The following MAST2 variants were observed in gnomAD, a reference collection of about 807,000 sequenced individuals.
MAST2 encodes microtubule associated serine/threonine kinase 2.
A neutral mutation model predicts 147.4 loss-of-function variants in MAST2; 70 were observed. That is an observed-to-expected ratio of 0.47 (90% CI 0.39 to 0.58). The LOEUF is 0.58. Ranked by LOEUF, MAST2 falls within the 20% of genes least tolerant of loss-of-function variation. The pLI is 0.00. For synonymous variants in MAST2, 869 were observed against 896.8 expected (o/e 0.97, Z 0.55); for missense variants, 2,080 against 2,302.3 (o/e 0.90, Z 1.98).
chr1:45,893,023 T>C (rs1054595200), intron 4 of MAST2, among the ~76,000 whole-genome samples: 1 of 152,216 alleles, frequency 6.6e-6, no homozygotes, highest in Non-Finnish European at 1.5e-5. Context: ...AAGAATATAC[T>C]AAGGACATCA....
intron 5 of MAST2, among the ~76,000 whole-genome samples, chr1:45,964,722 G>T (rs928176068): frequency 2.0e-5 from 3 of 152,060 alleles, no homozygotes; most frequent in African/African-American, 7.2e-5. Flanking sequence ...ATCTCCTTCA[G>T]TTCTGCTCTG....
chr1:45,954,441 A>G (rs1398863747), intron 4 of MAST2, among the ~76,000 whole-genome samples: 1 of 152,208 alleles, frequency 6.6e-6, no homozygotes, highest in Non-Finnish European at 1.5e-5. Context: ...ATGGCGAGGT[A>G]TGTAAGAAAT....
At chr1:45,950,327 T>TGTAAGCAAGCCAA (rs1379790675) in intron 4 of MAST2, among the ~76,000 whole-genome samples, 1 of 152,100 alleles carries the variant, frequency 6.6e-6, no homozygotes, top group Non-Finnish European at 1.5e-5. Context: ...TCTTGGCTTG[T>TGTAAGCAAGCCAA]TTAGTGTAAG....
intron 7 of MAST2, among the ~76,000 whole-genome samples, chr1:46,006,013 C>A (rs542943016): frequency 6.6e-6 from 1 of 152,322 alleles, no homozygotes; most frequent in African/African-American, 2.4e-5. Flanking sequence ...CAACTCCCTG[C>A]ACAACCCTTG....
In MAST2 at chr1:46,031,365, G is replaced by A. The variant is rs1199771015; in HGVS notation, c.2993-26G>A. On this transcript the variant is annotated intron_variant, in intron 23 of 28. Transcript: ENST00000361297. The surrounding 1 kb of genome is among the most constrained non-coding windows in gnomAD (Gnocchi z 4.1). ...GCAGGGAGGCTCAGCGGCATCGCGG[G>A]TCTCACTGCTTACTTGGGCCTACAG... 2 of 1,595,738 alleles carry A rather than the reference G, an allele frequency of 1.3e-6. No homozygotes were observed. The highest frequency in any genetic ancestry group is 1.7e-6 in the Non-Finnish European group (2 of 1,167,814).
intron 4 of MAST2, among the ~76,000 whole-genome samples, chr1:45,914,841 A>G (rs1652221584): frequency 6.6e-6 from 1 of 152,268 alleles, no homozygotes; most frequent in African/African-American, 2.4e-5. Flanking sequence ...AACAGACTTC[A>G]TCAACTAATG....
chr1:46,008,376 G>A lies in MAST2; in HGVS notation c.978+5G>A, dbSNP rs1645574212. ...TACAAAGAAAGATTCCCAAAGGTAA[G>A]GATCCATTTAAAAGGAGAGTGGCAA... On this transcript the variant is annotated splice_donor_5th_base_variant and intron_variant, in intron 9 of 28. Coordinates refer to ENST00000361297, the MANE Select transcript of MAST2 (RefSeq NM_015112.3). The A allele has an allele frequency of 6.2e-7, 1 of 1,607,136 alleles. No individual in the cohort carries two copies. Among genetic ancestry groups the A allele is most frequent in the Non-Finnish European group, 8.5e-7 (1 of 1,173,814 alleles).
At chr1:45,976,732 G>T (rs1432413562) in intron 5 of MAST2, among the ~76,000 whole-genome samples, 1 of 152,222 alleles carries the variant, frequency 6.6e-6, no homozygotes, top group African/African-American at 2.4e-5. Context: ...CCATTATCAA[G>T]ATGTTAGGGG....
intron 5 of MAST2, among the ~76,000 whole-genome samples, chr1:45,987,777 A>ATATTTTTTTTTTTTTTTTTTTTTTTG (rs1644695534): frequency 4.6e-5 from 1 of 21,778 alleles, no homozygotes; most frequent in Non-Finnish European, 7.5e-5. Flanking sequence ...TTTTTTTTTG[A>ATATTTTTTTTTTTTTTTTTTTTTTTG]TTTTTTTTTT....
At chr1:45,836,193 C>T (rs999519553) in intron 3 of MAST2, among the ~76,000 whole-genome samples, 9 of 152,212 alleles carry the variant, frequency 5.9e-5, no homozygotes, top group African/African-American at 2.2e-4. Flanking sequence ...TGGTTTGCTA[C>T]ACCATTTTAT....
At position 46,004,444 on chromosome 1, in the gene MAST2, A is replaced by G. The variant is rs560036014; in HGVS notation, c.747+1561A>G. On this transcript the variant is annotated intron_variant, in intron 7 of 28. Coordinates refer to ENST00000361297, the MANE Select transcript of MAST2 (RefSeq NM_015112.3). ...TTTTTTTAGAACCAAGGTAAGTCTC[A>G]TCTGCAAATTTTAAGACTTAACTCA... 1.4e-3 allele frequency among the ~76,000 whole-genome samples: 219 copies of G among 151,802 alleles called. 4 individuals are homozygous for G. In the South Asian group the frequency reaches 0.043, roughly 30 times the overall value.
chr1:45,820,893 CTTTTTTTTTTTTT>C (rs769508054), intron 1 of MAST2, among the ~76,000 whole-genome samples: 4 of 43,078 alleles, frequency 9.3e-5, no homozygotes, highest in Non-Finnish European at 4.1e-5. Flanking sequence ...CTTTCTTTCT[CTTTTTTTTTTTTT>C]TTTTTTTTTT....
chr1:45,969,845 T>C (rs963722229), intron 5 of MAST2, among the ~76,000 whole-genome samples: 3 of 152,176 alleles, frequency 2.0e-5, no homozygotes, highest in Middle Eastern at 3.2e-3. Flanking sequence ...TTATCTGCCA[T>C]GAAAACAGTC....
chr1:45,891,072 T>C (rs1239680422), intron 4 of MAST2, among the ~76,000 whole-genome samples: 3 of 152,176 alleles, frequency 2.0e-5, no homozygotes, highest in African/African-American at 7.2e-5. Flanking sequence ...AAGTGATATG[T>C]GGTATGTGTA....
At chr1:45,930,717 C>A (rs1269718589) in intron 4 of MAST2, among the ~76,000 whole-genome samples, 1 of 151,990 alleles carries the variant, frequency 6.6e-6, no homozygotes, top group Non-Finnish European at 1.5e-5. Context: ...AAGAATAGTT[C>A]AAAGAGCTTT....
At chr1:45,846,428 C>T (rs1645437259) in intron 3 of MAST2, among the ~76,000 whole-genome samples, 1 of 152,086 alleles carries the variant, frequency 6.6e-6, no homozygotes, top group Non-Finnish European at 1.5e-5. Flanking sequence ...ATTGCTCCCC[C>T]CGGCCTGAAA....
chr1:45,854,464 A>G (rs995728538), intron 3 of MAST2, among the ~76,000 whole-genome samples: 3 of 152,138 alleles, frequency 2.0e-5, no homozygotes, highest in Non-Finnish European at 4.4e-5. Context: ...GCTATATAGT[A>G]AGTCTTAACA....
intron 3 of MAST2, among the ~76,000 whole-genome samples, chr1:45,833,107 G>A (rs1368434484): frequency 6.6e-6 from 1 of 152,092 alleles, no homozygotes; most frequent in Non-Finnish European, 1.5e-5. Context: ...CATCCATGTT[G>A]CAGCATGTGT....
chr1:45,836,896 G>A (rs1645118688), intron 3 of MAST2, among the ~76,000 whole-genome samples: 1 of 152,174 alleles, frequency 6.6e-6, no homozygotes, highest in Admixed American at 6.5e-5. Flanking sequence ...CAGATGGGTG[G>A]AGGGGGGATG....
Sources: gnomAD v4.1 joint callset for allele counts (sites outside exome capture counted in the v4.1 genomes callset) on GRCh38, gnomAD v4.1.1 for gene constraint, Gnocchi (gnomAD v3.1) non-coding constraint, MANE v1.5 for transcripts, NCBI Gene and HGNC (gene_info 2026-07-23, HGNC 2026-07-21) for gene names.